The following TPD52L2 variants were observed in gnomAD, a reference collection of about 807,000 sequenced individuals.
TPD52L2 encodes TPD52 like 2, also known as tumor protein D54.
A neutral mutation model predicts 24.7 loss-of-function variants in TPD52L2; 19 were observed. The observed-to-expected ratio is 0.77, with a 90% CI of 0.54 to 1.13. TPD52L2 has a LOEUF of 1.13. Ranked by LOEUF, TPD52L2 falls within the 50% of genes most tolerant of loss-of-function variation. The probability of loss-of-function intolerance (pLI) is 0.00; values close to 1 mark genes in which losing one functional copy is unlikely to be tolerated. For synonymous variants in TPD52L2, 104 were observed against 100.2 expected (o/e 1.04, Z -0.23); for missense variants, 236 against 250.4 (o/e 0.94, Z 0.39).
intron 5 of TPD52L2, 92 bp from the exon 6 acceptor site, chr20:63,889,098 G>A: frequency 9.2e-7 from 1 of 1,092,184 alleles, no homozygotes; most frequent in Non-Finnish European, 1.4e-6. Flanking sequence ...GGACCCTTTG[G>A]AGGCTGGCCC....
At chr20:63,876,506 AATAGC>A in intron 4 of TPD52L2, 1 of 345,734 alleles carries the variant, frequency 2.9e-6, no homozygotes, top group Non-Finnish European at 5.7e-6. Flanking sequence ...TAAACTAGAT[AATAGC>A]ACTTCATTTA....
intron 1 of TPD52L2, among the ~76,000 whole-genome samples, chr20:63,868,653 T>C (rs972935627): frequency 6.6e-4 from 100 of 152,138 alleles, no homozygotes; most frequent in African/African-American, 2.3e-3. Context: ...TTAAAAAAAG[T>C]GGAAATTTGT....
intron 2 of TPD52L2, among the ~76,000 whole-genome samples, chr20:63,873,034 A>T (rs908731760): frequency 5.3e-5 from 8 of 151,566 alleles, no homozygotes; most frequent in African/African-American, 1.7e-4. Context: ...TTTTAATACC[A>T]TGCCCAGTCC....
At chr20:63,873,904 C>T in intron 3 of TPD52L2, 88 bp downstream of exon 3, 2 of 1,376,128 alleles carry the variant, frequency 1.5e-6, no homozygotes, top group South Asian at 1.7e-5. Context: ...TCGTCATGCC[C>T]AGGGACGAGT....
chr20:63,881,318 C>T (rs1054713603), intron 4 of TPD52L2, among the ~76,000 whole-genome samples: 21 of 151,618 alleles, frequency 1.4e-4, no homozygotes, highest in African/African-American at 3.9e-4. Context: ...TGAAATTGCA[C>T]CACTGCCCCC....
chr20:63,887,518 T>C lies in TPD52L2; in HGVS notation c.477-1672T>C, dbSNP rs1294796891. On this transcript the variant is annotated intron_variant, in intron 5 of 6. Transcript: ENST00000346249. ...AGTTGGGGTTGTGTGTGGATCTTGG[T>C]GTTAACTCTTGCTTCCTTCTCTGCT... The C allele has an allele frequency of 3.1e-6, 5 of 1,608,004 alleles. No homozygotes were observed. In the Admixed American group the frequency reaches 5.0e-5, roughly 16 times the overall value.
chr20:63,865,444 T>C, intron 1 of TPD52L2, 60 bp downstream of exon 1: 1 of 1,489,102 alleles, frequency 6.7e-7, no homozygotes. Context: ...TTGTTCTCCG[T>C]CTCCCGGGGT....
At position 63,890,398 on chromosome 20, in the gene TPD52L2, A is replaced by AT. The variant is rs985982711; in HGVS notation, c.*459dup. 1.0e-4 allele frequency: 18 copies of AT among 180,268 alleles called. No homozygotes were observed. In the East Asian group the frequency reaches 2.2e-3, roughly 22 times the overall value. The allele number at this position is 180,268 out of a possible 1,614,324, so 11.2% of individuals were successfully genotyped here. A position where few individuals can be genotyped will look rare whatever the true frequency, so the allele number is the denominator to read the frequency against. ...CCCAGCAAGTCCTACCTGTTACGCA[A>AT]TTTTTTATCTCAAAATGCCGAACGA... On this transcript the variant is annotated 3_prime_UTR_variant, in exon 7 of 7. Coordinates refer to ENST00000346249, the MANE Select transcript of TPD52L2 (RefSeq NM_003288.4).
chr20:63,883,228 T>A (rs879777866), intron 5 of TPD52L2, among the ~76,000 whole-genome samples: 4 of 152,160 alleles, frequency 2.6e-5, no homozygotes, highest in Non-Finnish European at 5.9e-5. Context: ...TCAGGCTGTT[T>A]CCCAGGTCTC....
chr20:63,888,452 A>G (rs969445844), intron 5 of TPD52L2: 2 of 149,960 alleles, frequency 1.3e-5, no homozygotes, highest in African/African-American at 4.9e-5. Flanking sequence ...CAGACTTTTC[A>G]TAACCTCAGT....
chr20:63,883,191 A>G (rs2052963658), intron 5 of TPD52L2, among the ~76,000 whole-genome samples: 1 of 152,154 alleles, frequency 6.6e-6, no homozygotes, highest in Non-Finnish European at 1.5e-5. Flanking sequence ...CACCATCTCT[A>G]GGACAGGGGC....
chr20:63,868,094 G>A (rs1458613268), intron 1 of TPD52L2, among the ~76,000 whole-genome samples: 3 of 149,854 alleles, frequency 2.0e-5, no homozygotes, highest in Non-Finnish European at 4.4e-5. Context: ...TGTATTTTTA[G>A]TAGAGACGGG....
At chr20:63,876,864 G>C (rs554453357) in intron 4 of TPD52L2, 1 of 455,588 alleles carries the variant, frequency 2.2e-6, no homozygotes, top group East Asian at 7.0e-5. Flanking sequence ...GCAGCCAGCT[G>C]TACATCTGGG....
At chr20:63,874,788 A>G (rs2052605472) in intron 3 of TPD52L2, among the ~76,000 whole-genome samples, 1 of 152,104 alleles carries the variant, frequency 6.6e-6, no homozygotes, top group Admixed American at 6.6e-5. Flanking sequence ...CCTTGGCAAG[A>G]GCGGTTTTTC....
Position 63,877,129 on chromosome 20 carries a change from C to T in TPD52L2, c.374+1254C>T, listed in dbSNP as rs1167843397. 2 of 370,416 alleles carry T rather than the reference C, an allele frequency of 5.4e-6. No homozygotes were observed. Among genetic ancestry groups the T allele is most frequent in the African/African-American group, 2.1e-5 (1 of 46,908 alleles). The allele number at this position is 370,416 out of a possible 1,614,324, so 22.9% of individuals were successfully genotyped here. ...CAAGCTCCGCCTCCCGGGTTCACAC[C>T]ATTCTCCTGCCTCAGCCTCCCCAGT... On this transcript the variant is annotated intron_variant, in intron 4 of 6. Transcript: ENST00000346249. The surrounding 1 kb of genome is among the most constrained non-coding windows in gnomAD (Gnocchi z 4.1).
intron 1 of TPD52L2, 134 bp downstream of exon 1, chr20:63,865,518 C>T (rs2052181023): frequency 4.2e-6 from 5 of 1,195,364 alleles, no homozygotes; most frequent in African/African-American, 3.2e-5. Context: ...TCTTCAGCTC[C>T]CGGGGCCACT....
chr20:63,887,641 G>C (rs200073648), intron 5 of TPD52L2: 456 of 1,604,140 alleles, frequency 2.8e-4, no homozygotes, highest in Non-Finnish European at 3.5e-4. Context: ...TCCAGAGCCG[G>C]GTGTCTCTGG....
At chr20:63,870,532 T>G (rs1283206527) in intron 2 of TPD52L2, among the ~76,000 whole-genome samples, 4 of 139,084 alleles carry the variant, frequency 2.9e-5, no homozygotes, top group South Asian at 2.4e-4. Context: ...TTTTTTTTTT[T>G]TTTTTTTTTT....
chr20:63,866,205 A>G (rs1032315448), intron 1 of TPD52L2, among the ~76,000 whole-genome samples: 1 of 148,524 alleles, frequency 6.7e-6, no homozygotes, highest in Admixed American at 6.7e-5. Flanking sequence ...CCCGGGTTCA[A>G]GCGATTCTGC....
Sources: allele counts gnomAD v4.1 joint callset (sites outside exome capture counted in the v4.1 genomes callset), GRCh38; gene constraint gnomAD v4.1.1; non-coding constraint Gnocchi (gnomAD v3.1); transcripts MANE v1.5; gene names NCBI Gene and HGNC (gene_info 2026-07-23, HGNC 2026-07-21).